ADAMTS2: variants seen among roughly 807,000 people sequenced by gnomAD.
ADAMTS2 encodes A disintegrin and metalloproteinase with thrombospondin motifs 2.
ADAMTS2 carries 50 observed loss-of-function variants against 123.0 expected under a neutral mutation model. That is an observed-to-expected ratio of 0.41 (90% CI 0.32 to 0.51). The LOEUF is 0.51. ADAMTS2 is among the 20% of genes least tolerant of loss of function. ADAMTS2 has a pLI of 0.35. For synonymous variants in ADAMTS2, 678 were observed against 695.4 expected (o/e 0.98, Z 0.39); for missense variants, 1,494 against 1,705.2 (o/e 0.88, Z 2.18).
At chr5:179,148,238 C>T (rs1271971357) in intron 10 of ADAMTS2, among the ~76,000 whole-genome samples, 1 of 152,124 alleles carries the variant, frequency 6.6e-6, no homozygotes, top group Non-Finnish European at 1.5e-5. Flanking sequence ...TCCATCTCCT[C>T]AACACACGCC....
intron 5 of ADAMTS2, among the ~76,000 whole-genome samples, chr5:179,172,436 C>T (rs1444832645): frequency 6.6e-6 from 1 of 152,246 alleles, no homozygotes; most frequent in Non-Finnish European, 1.5e-5. Flanking sequence ...AGGCAAGGCG[C>T]ATGAGGGGCA....
intron 6 of ADAMTS2, among the ~76,000 whole-genome samples, chr5:179,156,358 G>A (rs1431347069): frequency 3.6e-5 from 5 of 138,940 alleles, no homozygotes; most frequent in Non-Finnish European, 7.6e-5. Context: ...TTCAGCTTTC[G>A]ATTTTTTTTT....
rs947359567 is a variant in ADAMTS2, at chr5:179,314,675, C to A, written c.534+29092G>T. Among the ~76,000 whole-genome samples the A allele has an allele frequency of 4.0e-5, 6 of 151,856 alleles. No individual in the cohort carries two copies. The highest frequency in any genetic ancestry group is 1.5e-4 in the African/African-American group (6 of 41,180). ...CCCACAGGGTGACGGGCCAGAATTACAAGCCCCTGATTCTGGGGGCTTCCA... is the reference window on the plus strand; with the variant it reads ...CCCACAGGGTGACGGGCCAGAATTAAAAGCCCCTGATTCTGGGGGCTTCCA... On this transcript the variant is annotated intron_variant, in intron 2 of 21. Transcript: ENST00000251582. The surrounding 1 kb of genome is among the most constrained non-coding windows in gnomAD (Gnocchi z 4.5).
At position 179,112,890 on chromosome 5, in the gene ADAMTS2, C is replaced by T. The variant is rs138084603; in HGVS notation, c.*977G>A. On this transcript the variant is annotated 3_prime_UTR_variant, in exon 22 of 22. Transcript: ENST00000251582. ...GAGCCTGGAAGGCAGCCGGCAAGGC[C>T]AGGGTTAGTGGACAGGGGAGAGGCC... The T allele has an allele frequency of 4.1e-3, 630 of 152,474 alleles. 4 individuals are homozygous for T. The highest frequency in any genetic ancestry group is 0.015 in the African/African-American group (610 of 41,582). 9.4% of individuals were successfully genotyped at this position (152,474 alleles called of 1,614,324 possible). A position where few individuals can be genotyped will look rare whatever the true frequency, so the allele number is the denominator to read the frequency against.
chr5:179,208,976 T>G (rs912389420), intron 3 of ADAMTS2, among the ~76,000 whole-genome samples: 2 of 151,330 alleles, frequency 1.3e-5, no homozygotes, highest in African/African-American at 4.9e-5. Context: ...CTACAAAGAG[T>G]CTTCCAGAAC....
chr5:179,114,339 T>G lies in ADAMTS2; in HGVS notation c.3179-15A>C. ...GCAGTGGCCCTCTGAAAAAGAAAAG[T>G]GGGACAAATAACCAAAGGACAAGAT... On this transcript the variant is annotated splice_polypyrimidine_tract_variant and intron_variant, in intron 21 of 21. Transcript: ENST00000251582. The G allele has an allele frequency of 6.2e-7, 1 of 1,610,008 alleles. No homozygotes were observed. Among genetic ancestry groups the G allele is most frequent in the Non-Finnish European group, 8.5e-7 (1 of 1,178,234 alleles).
chr5:179,207,615 G>T lies in ADAMTS2; in HGVS notation c.789C>A (p.Asp263Glu), dbSNP rs144235544. The change falls in exon 4 of 22, where the codon GAC becomes GAA. Residue 263 changes from aspartate (D) to glutamate (E), a missense_variant. Asp to Glu is a conservative substitution (Grantham distance 45, BLOSUM62 2). This residue lies in a region of ADAMTS2 where 184 missense variants were observed against 152.1 expected (regional missense o/e 1.21). Coordinates refer to ENST00000251582, the MANE Select transcript of ADAMTS2 (RefSeq NM_014244.5). ...GCAGGACCTCGATGTTGTAGTCATC[G>T]TCCGCAGCATGCCTGCGTGCCCTCC... ...SRRRARRHAA[D>E]DDYNIEVLLG... 1.9e-6 allele frequency: 3 copies of T among 1,613,726 alleles called. No individual in the cohort carries two copies. The African/African-American group carries it at 4.0e-5, about 22-fold the overall frequency.
At chr5:179,250,401 C>T (rs887128428) in intron 3 of ADAMTS2, among the ~76,000 whole-genome samples, 2 of 152,154 alleles carry the variant, frequency 1.3e-5, no homozygotes, top group African/African-American at 4.8e-5. Flanking sequence ...AATGATGGCT[C>T]GTGGGTACAG....
chr5:179,166,694 T>A (rs773501719), intron 5 of ADAMTS2, among the ~76,000 whole-genome samples: 1 of 152,198 alleles, frequency 6.6e-6, no homozygotes, highest in Non-Finnish European at 1.5e-5. Context: ...CTGCGTGCGA[T>A]CGGTCACCTG....
Position 179,343,863 on chromosome 5 carries a change from G to T in ADAMTS2, c.438C>A (p.Thr146=). 1 of 1,598,156 alleles carries T rather than the reference G, an allele frequency of 6.3e-7. No individual in the cohort carries two copies. The highest frequency in any genetic ancestry group is 2.3e-5 in the East Asian group (1 of 43,890). ...AGCTCCCGAGCAGGGGCTCCACGCG[G>T]GTGGTGCCCTTCTCGCCCTGCCACT... is the stretch of plus-strand genomic sequence containing the variant. ...TMEWQGEKGT[T]RVEPLLGSCL... Residue 146 remains threonine, a synonymous_variant, in exon 2 of 22, where the codon ACC becomes ACA. Transcript: ENST00000251582.
At chr5:179,207,401 C>T (rs1424348711) in intron 4 of ADAMTS2, 112 bp downstream of exon 4, 65 of 1,175,932 alleles carry the variant, frequency 5.5e-5, no homozygotes, top group Non-Finnish European at 7.5e-5. Flanking sequence ...CTCCGGCTAA[C>T]AAGGAAATCG....
rs566186591 is a variant in ADAMTS2, at chr5:179,152,079, C to T, written c.1629+63G>A. 39 of 1,473,630 alleles carry T rather than the reference C, an allele frequency of 2.6e-5. No homozygotes were observed. In the East Asian group the frequency reaches 2.7e-4, roughly 10 times the overall value. The allele number at this position is 1,473,630 out of a possible 1,614,324, so 91.3% of individuals were successfully genotyped here. On this transcript the variant is annotated intron_variant, in intron 10 of 21. Coordinates refer to ENST00000251582, the MANE Select transcript of ADAMTS2 (RefSeq NM_014244.5). ...ACTTCAGGGCCTGTCCCTGGTGACC[C>T]GGGCACCTAAGATTCCTGTCCTCTG...
chr5:179,240,383 G>C (rs1765636438), intron 3 of ADAMTS2, among the ~76,000 whole-genome samples: 1 of 152,196 alleles, frequency 6.6e-6, no homozygotes, highest in South Asian at 2.1e-4. Flanking sequence ...GAGGGAACCT[G>C]CAGTTTAAGA....
At chr5:179,237,874 C>G (rs1765565984) in intron 3 of ADAMTS2, among the ~76,000 whole-genome samples, 1 of 152,178 alleles carries the variant, frequency 6.6e-6, no homozygotes. Flanking sequence ...AAAGGAAGAG[C>G]AAACCCACAA....
At chr5:179,140,700 G>A (rs975258531) in intron 10 of ADAMTS2, among the ~76,000 whole-genome samples, 1 of 151,026 alleles carries the variant, frequency 6.6e-6, no homozygotes, top group African/African-American at 2.4e-5. Context: ...ACACAAAAAC[G>A]TTTTAAAACT....
intron 4 of ADAMTS2, among the ~76,000 whole-genome samples, chr5:179,199,824 T>C (rs973830532): frequency 1.3e-5 from 2 of 152,212 alleles, no homozygotes; most frequent in African/African-American, 2.4e-5. Context: ...TGACCCCACA[T>C]AGAAGCTAAA....
In ADAMTS2 at chr5:179,300,111, A is replaced by G. The variant is rs899030441; in HGVS notation, c.535-27047T>C. Among the ~76,000 whole-genome samples, 264 of 151,680 alleles carry G rather than the reference A, an allele frequency of 1.7e-3. 1 individual carries two copies. Among genetic ancestry groups the G allele is most frequent in the African/African-American group, 5.9e-3 (245 of 41,346 alleles). On this transcript the variant is annotated intron_variant, in intron 2 of 21. Coordinates refer to ENST00000251582, the MANE Select transcript of ADAMTS2 (RefSeq NM_014244.5). ...CTCCGTCTCAAAAAAAAAAAAAAAA[A>G]AAGAAGAATCCTTGCCATTACACTG...
rs770094463 is a variant in ADAMTS2 at position 179,140,799 on chromosome 5, C to CTTTTTTTTTTTTTTTTTTTTT, written c.1630-765_1630-764insAAAAAAAAAAAAAAAAAAAAA. 1.9e-3 allele frequency among the ~76,000 whole-genome samples: 168 copies of CTTTTTTTTTTTTTTTTTTTTT among 90,450 alleles called. 28 individuals carry two copies. Among genetic ancestry groups the CTTTTTTTTTTTTTTTTTTTTT allele is most frequent in the Non-Finnish European group, 2.6e-3 (126 of 48,298 alleles). The allele number at this position is 90,450 out of a possible 152,430, so 59.3% of individuals were successfully genotyped here. Reference sequence around the variant, plus strand: ...TTTCCTTCAGTTCCGACTGCATGCTCTTTTTTTTTTTTTTTTTTTGAGACA... The same window carrying CTTTTTTTTTTTTTTTTTTTTT: ...TTTCCTTCAGTTCCGACTGCATGCTCTTTTTTTTTTTTTTTTTTTTTTTTTTTTTTTTTTTTTTTTGAGACA... On this transcript the variant is annotated intron_variant, in intron 10 of 21. Transcript: ENST00000251582.
chr5:179,295,001 A>G (rs1242847370), intron 2 of ADAMTS2, among the ~76,000 whole-genome samples: 1 of 152,132 alleles, frequency 6.6e-6, no homozygotes, highest in African/African-American at 2.4e-5. Flanking sequence ...CCTGTGGGGA[A>G]CTTGGCGGGT....
Sources: allele counts gnomAD v4.1 joint callset (sites outside exome capture counted in the v4.1 genomes callset), GRCh38; gene constraint gnomAD v4.1.1; regional missense constraint gnomAD v4.1.1; non-coding constraint Gnocchi (gnomAD v3.1); transcripts MANE v1.5; gene names NCBI Gene and HGNC (gene_info 2026-07-23, HGNC 2026-07-21).